PCBP3: variants seen among roughly 807,000 people sequenced by gnomAD.
The protein encoded by PCBP3 is poly(rC)-binding protein 3.
PCBP3 carries 25 observed loss-of-function variants against 52.7 expected under a neutral mutation model. The observed-to-expected ratio is 0.47, with a 90% CI of 0.35 to 0.66. PCBP3 has a LOEUF of 0.66. Ranked by LOEUF, PCBP3 falls within the 30% of genes least tolerant of loss-of-function variation. PCBP3 has a pLI of 0.01. For missense variants in PCBP3, 391 were observed against 490.3 expected, an observed-to-expected ratio of 0.80 and a Z score of 1.91; for synonymous variants, 162 against 183.0, an observed-to-expected ratio of 0.89 and a Z score of 0.93.
At chr21:45,871,220 T>G (rs2094998437) in intron 5 of PCBP3, 1 of 167,846 alleles carries the variant, frequency 6.0e-6, no homozygotes, top group African/African-American at 2.4e-5. Context: ...GGGAAGGCCG[T>G]GCAGTCCAGT....
rs189930680 is a variant in PCBP3 at position 45,654,100 on chromosome 21, T to G, written c.-279+10232T>G. 2.2e-3 allele frequency among the ~76,000 whole-genome samples: 341 copies of G among 152,246 alleles called. 2 individuals are homozygous for G. The highest frequency in any genetic ancestry group is 7.7e-3 in the African/African-American group (319 of 41,546). On this transcript the variant is annotated intron_variant, in intron 1 of 17. Coordinates refer to ENST00000681687, the MANE Select transcript of PCBP3 (RefSeq NM_001384156.1). ...TAAATTCAGTGAAATAAATTAATATTAACGGTATTATATTAACAATATTGG... is the reference window on the plus strand; with the variant it reads ...TAAATTCAGTGAAATAAATTAATATGAACGGTATTATATTAACAATATTGG...
At chr21:45,748,933 G>A (rs1014596645) in intron 3 of PCBP3, among the ~76,000 whole-genome samples, 4 of 152,230 alleles carry the variant, frequency 2.6e-5, no homozygotes, top group African/African-American at 9.6e-5. Context: ...CCATCTGTGA[G>A]ACTGGGTCTC....
At chr21:45,844,868 G>T (rs964706065) in intron 4 of PCBP3, among the ~76,000 whole-genome samples, 3 of 131,506 alleles carry the variant, frequency 2.3e-5, no homozygotes, top group Admixed American at 7.8e-5. Context: ...CTTTATATAC[G>T]TATATGAAGT....
chr21:45,747,317 T>A (rs2086991790), intron 3 of PCBP3, among the ~76,000 whole-genome samples: 1 of 152,188 alleles, frequency 6.6e-6, no homozygotes, highest in Non-Finnish European at 1.5e-5. Flanking sequence ...ACGTGGGGAT[T>A]ATGGGAGCTA....
intron 2 of PCBP3, among the ~76,000 whole-genome samples, chr21:45,713,202 A>T (rs1469004408): frequency 6.6e-6 from 1 of 152,180 alleles, no homozygotes. Context: ...TACTGCTAAA[A>T]AGTTGTGCTT....
intron 5 of PCBP3, among the ~76,000 whole-genome samples, chr21:45,863,753 T>C (rs1008829101): frequency 5.3e-5 from 8 of 152,108 alleles, no homozygotes; most frequent in Non-Finnish European, 7.4e-5. Context: ...AGCTGCTTTG[T>C]TCCAAGGTAA....
At chr21:45,847,101 C>G (rs1421906048) in intron 4 of PCBP3, among the ~76,000 whole-genome samples, 1 of 151,070 alleles carries the variant, frequency 6.6e-6, no homozygotes, top group East Asian at 1.9e-4. Context: ...TGTGTCTTTG[C>G]TTTTTTTTTC....
chr21:45,677,620 G>C (rs1298662368), intron 2 of PCBP3, among the ~76,000 whole-genome samples: 2 of 152,240 alleles, frequency 1.3e-5, no homozygotes, highest in African/African-American at 4.8e-5. Context: ...CCCATAGCTA[G>C]AGAAAAGAAG....
intron 2 of PCBP3, among the ~76,000 whole-genome samples, chr21:45,700,088 C>G (rs1447077781): frequency 6.6e-6 from 1 of 152,124 alleles, no homozygotes; most frequent in African/African-American, 2.4e-5. Flanking sequence ...GGGACAGGAC[C>G]CATGCATGCC....
rs182539720 is a variant in PCBP3 at position 45,877,912 on chromosome 21, T to C, written c.11-18296T>C. ...TGCACAGAGTGCTGGAGCAGCTCCC[T>C]TGGGACCGGGAGGCGGCAGTGGGAG... On this transcript the variant is annotated intron_variant, in intron 5 of 17. Coordinates refer to ENST00000681687, the MANE Select transcript of PCBP3 (RefSeq NM_001384156.1). Among the ~76,000 whole-genome samples, 1,199 of 152,368 alleles carry C rather than the reference T, an allele frequency of 7.9e-3. 29 individuals are homozygous for C. The highest frequency in any genetic ancestry group is 0.052 in the Admixed American group (795 of 15,312).
At chr21:45,886,743 A>T (rs562375514) in intron 5 of PCBP3, among the ~76,000 whole-genome samples, 2 of 152,270 alleles carry the variant, frequency 1.3e-5, no homozygotes, top group Non-Finnish European at 2.9e-5. Context: ...CCCTGCTCAG[A>T]GGAGGGGGCT....
chr21:45,806,194 A>G (rs1014910545), intron 4 of PCBP3, among the ~76,000 whole-genome samples: 2 of 152,344 alleles, frequency 1.3e-5, no homozygotes, highest in East Asian at 3.9e-4. Flanking sequence ...CCCTCGTGGC[A>G]GGCTTGGTGC....
intron 17 of PCBP3, among the ~76,000 whole-genome samples, chr21:45,941,243 C>T (rs780930589): frequency 6.6e-6 from 1 of 152,202 alleles, no homozygotes; most frequent in Non-Finnish European, 1.5e-5. Context: ...GGGAGGTTCC[C>T]GCCTGCCAGA....
chr21:45,663,724 A>G (rs1161112172), intron 1 of PCBP3, among the ~76,000 whole-genome samples: 9 of 152,026 alleles, frequency 5.9e-5, no homozygotes, highest in Admixed American at 5.9e-4. Flanking sequence ...TTCTGTCCCC[A>G]TTGATCTATG....
At chr21:45,823,817 C>T (rs2093223891) in intron 4 of PCBP3, among the ~76,000 whole-genome samples, 1 of 152,090 alleles carries the variant, frequency 6.6e-6, no homozygotes, top group Non-Finnish European at 1.5e-5. Flanking sequence ...TCTCGACTCA[C>T]TGCAACCTCC....
At chr21:45,881,488 A>G (rs1047901408) in intron 5 of PCBP3, among the ~76,000 whole-genome samples, 5 of 152,222 alleles carry the variant, frequency 3.3e-5, no homozygotes, top group African/African-American at 4.8e-5. Flanking sequence ...GATGGGGTCT[A>G]TTTTGCCCAG....
chr21:45,846,639 C>T (rs1200168641), intron 4 of PCBP3, among the ~76,000 whole-genome samples: 2 of 152,186 alleles, frequency 1.3e-5, no homozygotes, highest in Non-Finnish European at 2.9e-5. Flanking sequence ...CTTTCCCCAA[C>T]ATCTATAGTT....
intron 4 of PCBP3, among the ~76,000 whole-genome samples, chr21:45,785,621 G>A (rs1158019271): frequency 2.0e-5 from 3 of 150,978 alleles, no homozygotes; most frequent in Admixed American, 6.6e-5. Flanking sequence ...CCACCACCCC[G>A]TCTGGGAGGT....
chr21:45,733,533 TGCCCGCCTCG>T, intron 2 of PCBP3, among the ~76,000 whole-genome samples: 1 of 152,218 alleles, frequency 6.6e-6, no homozygotes, highest in South Asian at 2.1e-4. Context: ...CCTCATGATC[TGCCCGCCTCG>T]GCCTCCCAAA....
Sources: gnomAD v4.1 joint callset for allele counts (sites outside exome capture counted in the v4.1 genomes callset) on GRCh38, gnomAD v4.1.1 for gene constraint, MANE v1.5 for transcripts, NCBI Gene and HGNC (gene_info 2026-07-23, HGNC 2026-07-21) for gene names.